Variants in IL1RL2 observed in about 807,000 individuals in gnomAD.
The protein encoded by IL1RL2 is interleukin 1 receptor like 2.
In IL1RL2, 68 loss-of-function variants were observed where a neutral mutation model predicts 66.8. That is an observed-to-expected ratio of 1.02 (90% CI 0.84 to 1.25). IL1RL2 has a LOEUF of 1.25. Ranked by LOEUF, IL1RL2 falls within the 50% of genes most tolerant of loss-of-function variation. IL1RL2 has a pLI of 0.00. For synonymous variants in IL1RL2, 305 were observed against 264.6 expected, an observed-to-expected ratio of 1.15 and a Z score of -1.48; for missense variants, 729 against 709.3, an observed-to-expected ratio of 1.03 and a Z score of -0.32.
intron 5 of IL1RL2, among the ~76,000 whole-genome samples, chr2:102,210,756 T>A (rs1383534632): frequency 1.3e-5 from 2 of 152,020 alleles, no homozygotes; most frequent in African/African-American, 4.8e-5. Flanking sequence ...AGATCATGAG[T>A]TTGGTCATTG....
downstream of IL1RL2, among the ~76,000 whole-genome samples, chr2:102,240,514 G>C (rs185792848): frequency 6.6e-6 from 1 of 151,926 alleles, no homozygotes; most frequent in Non-Finnish European, 1.5e-5. Flanking sequence ...AAGCAACTCA[G>C]TATGCACACA....
At position 102,187,849 on chromosome 2, in the gene IL1RL2, C is replaced by T. The variant is rs747069700; in HGVS notation, c.-12-7C>T. On this transcript the variant is annotated splice_region_variant and splice_polypyrimidine_tract_variant and intron_variant, in intron 1 of 11. Coordinates refer to ENST00000264257, the MANE Select transcript of IL1RL2 (RefSeq NM_003854.4). ...TCCCCTCCCACCCTCTTCTCCCTTC[C>T]TTGCAGCCCGGTTTGGGGATGTGGT... 6.8e-6 allele frequency: 11 copies of T among 1,613,910 alleles called. No homozygotes were observed. The highest frequency in any genetic ancestry group is 3.4e-6 in the Non-Finnish European group (4 of 1,179,884).
In IL1RL2 at chr2:102,226,061, G is replaced by GA; in HGVS notation, c.1135+25dup. The GA allele has an allele frequency of 1.3e-6, 2 of 1,545,554 alleles. No homozygotes were observed. The highest frequency in any genetic ancestry group is 1.7e-6 in the Non-Finnish European group (2 of 1,148,836). On this transcript the variant is annotated intron_variant, in intron 9 of 11. Coordinates refer to ENST00000264257, the MANE Select transcript of IL1RL2 (RefSeq NM_003854.4). ...TAGTAGGTAAGTGTGTGTAATCACT[G>GA]AAAAATGCCTCAAAATTGGTATCCT...
chr2:102,198,008 G>C (rs907702213), intron 4 of IL1RL2, among the ~76,000 whole-genome samples: 1 of 152,142 alleles, frequency 6.6e-6, no homozygotes. Flanking sequence ...CTAGTATCTT[G>C]TCTTGAATCC....
chr2:102,193,098 A>C (rs1687377266), intron 4 of IL1RL2, among the ~76,000 whole-genome samples: 1 of 152,148 alleles, frequency 6.6e-6, no homozygotes, highest in African/African-American at 2.4e-5. Context: ...GATTAGTTTC[A>C]TCAGAGACTT....
intron 4 of IL1RL2, among the ~76,000 whole-genome samples, chr2:102,198,049 T>C (rs1425837200): frequency 2.0e-5 from 3 of 152,224 alleles, no homozygotes; most frequent in Non-Finnish European, 4.4e-5. Flanking sequence ...ATGATTTTTG[T>C]TTGCTAAATC....
At chr2:102,233,329 T>C (rs1320589448) in intron 10 of IL1RL2, among the ~76,000 whole-genome samples, 1 of 152,084 alleles carries the variant, frequency 6.6e-6, no homozygotes, top group African/African-American at 2.4e-5. Flanking sequence ...GGCTCCTCCC[T>C]GCCCCGCAGT....
chr2:102,202,381 G>A (rs928916393), intron 5 of IL1RL2, among the ~76,000 whole-genome samples: 4 of 150,568 alleles, frequency 2.7e-5, no homozygotes. Context: ...CATAATAATA[G>A]GTGTATTATA....
rs1686736045 is a variant in IL1RL2, at chr2:102,187,026, C to T, written c.-73C>T. The T allele has an allele frequency of 7.8e-7, 1 of 1,289,622 alleles. No homozygotes were observed. The highest frequency in any genetic ancestry group is 1.5e-5 in the African/African-American group (1 of 65,852). 79.9% of individuals were successfully genotyped at this position (1,289,622 alleles called of 1,614,324 possible). On this transcript the variant is annotated 5_prime_UTR_variant, in exon 1 of 12. Coordinates refer to ENST00000264257, the MANE Select transcript of IL1RL2 (RefSeq NM_003854.4). ...GGCATGGAAGTGGCATGACAGGGCTCGTGTCCCTGTCATATTTTCCACTCT... is the reference window on the plus strand; with the variant it reads ...GGCATGGAAGTGGCATGACAGGGCTTGTGTCCCTGTCATATTTTCCACTCT...
Position 102,218,290 on chromosome 2 carries a change from T to A in IL1RL2, c.725-663T>A, listed in dbSNP as rs1007593459. On this transcript the variant is annotated intron_variant, in intron 6 of 11. Coordinates refer to ENST00000264257, the MANE Select transcript of IL1RL2 (RefSeq NM_003854.4). ...TGTGTTATATTTCACAATCATTTTT[T>A]AAAAAAATATCATTTAGAATAAAGA... Among the ~76,000 whole-genome samples, 19 of 152,290 alleles carry A rather than the reference T, an allele frequency of 1.2e-4. No individual in the cohort carries two copies. The East Asian group carries it at 2.7e-3, about 22-fold the overall frequency.
chr2:102,219,926 C>T lies in IL1RL2; in HGVS notation c.900C>T (p.Ile300=), dbSNP rs763653214. The part of the protein sequence containing the change: ...FREHNLYTVN[I]TFLEVKMEDY... ...AACATAATTTGTACACAGTAAACAT[C>T]ACCTTCTTGGAAGTGAAAATGGAAG... The change falls in exon 8 of 12, where the codon ATC becomes ATT. Residue 300 remains isoleucine (I), a synonymous_variant. Coordinates refer to ENST00000264257, the MANE Select transcript of IL1RL2 (RefSeq NM_003854.4). 7 of 1,613,626 alleles carry T rather than the reference C, an allele frequency of 4.3e-6. No individual in the cohort carries two copies. The highest frequency in any genetic ancestry group is 3.3e-4 in the Middle Eastern group (2 of 6,058).
At chr2:102,237,941 G>C (rs1440018943) in intron 11 of IL1RL2, among the ~76,000 whole-genome samples, 2 of 152,180 alleles carry the variant, frequency 1.3e-5, no homozygotes, top group African/African-American at 4.8e-5. Flanking sequence ...CCTATCCCTA[G>C]CCCTTGGGGG....
At chr2:102,220,103 C>A (rs1046232055) in intron 8 of IL1RL2, 86 bp downstream of exon 8, 5 of 1,296,432 alleles carry the variant, frequency 3.9e-6, no homozygotes, top group South Asian at 1.7e-5. Flanking sequence ...ACTCTAAATG[C>A]TCAGTGTGAG....
chr2:102,241,411 T>TA (rs1410957435), downstream of IL1RL2, among the ~76,000 whole-genome samples: 1 of 152,184 alleles, frequency 6.6e-6, no homozygotes, highest in African/African-American at 2.4e-5. Context: ...GTATGCTAGC[T>TA]AAATCCCTCT....
Position 102,212,135 on chromosome 2 carries a change from A to G in IL1RL2, c.685A>G (p.Ile229Val), listed in dbSNP as rs1689223615. 6.2e-7 allele frequency: 1 copy of G among 1,613,654 alleles called. No individual in the cohort carries two copies. Among genetic ancestry groups the G allele is most frequent in the African/African-American group, 1.3e-5 (1 of 75,018 alleles). The part of the protein sequence containing the change: ...RAGYGGSVPK[I>V]IYPKNHSIEV... ...TGGATATGGAGGAAGTGTCCCTAAAATCATTTATCCAAAAAATCATTCAAT... is the reference window on the plus strand; with the variant it reads ...TGGATATGGAGGAAGTGTCCCTAAAGTCATTTATCCAAAAAATCATTCAAT... Residue 229 changes from isoleucine to valine, a missense_variant, in exon 6 of 12, where the codon ATC becomes GTC. Physicochemically the swap from Ile to Val is conservative, Grantham distance 29. Coordinates refer to ENST00000264257, the MANE Select transcript of IL1RL2 (RefSeq NM_003854.4).
Position 102,235,264 on chromosome 2 carries a change from C to T in IL1RL2, c.1665C>T (p.Cys555=), listed in dbSNP as rs139406977. The change falls in exon 11 of 12, where the codon TGC becomes TGT. Residue 555 remains cysteine, a synonymous_variant. Coordinates refer to ENST00000264257, the MANE Select transcript of IL1RL2 (RefSeq NM_003854.4). ...TCCAGCTGCTGCAGCACACACCTTG[C>T]TACCGCACCGCAGGTGAGCGGGTGG... ...PPVQLLQHTP[C]YRTAGPELGS... is the part of the protein sequence containing the mutation. The T allele has an allele frequency of 4.7e-4, 762 of 1,613,010 alleles. 1 individual carries two copies. Among genetic ancestry groups the T allele is most frequent in the Admixed American group, 4.8e-4 (29 of 60,006 alleles).
At chr2:102,191,449 T>C (rs1001290206) in intron 3 of IL1RL2, among the ~76,000 whole-genome samples, 5 of 152,242 alleles carry the variant, frequency 3.3e-5, no homozygotes, top group East Asian at 3.8e-4. Flanking sequence ...TCTGGGATCA[T>C]GCATTGCATT....
chr2:102,226,929 A>G (rs1690671367), intron 9 of IL1RL2, among the ~76,000 whole-genome samples: 1 of 152,226 alleles, frequency 6.6e-6, no homozygotes, highest in African/African-American at 2.4e-5. Flanking sequence ...GCTTGTCTGG[A>G]GGTCAAAACA....
chr2:102,215,746 C>T (rs576803920), intron 6 of IL1RL2, among the ~76,000 whole-genome samples: 14 of 152,286 alleles, frequency 9.2e-5, no homozygotes, highest in African/African-American at 2.9e-4. Context: ...CTGAGACACT[C>T]AAAGATACTG....
Sources: gnomAD v4.1 joint callset for allele counts (sites outside exome capture counted in the v4.1 genomes callset) on GRCh38, gnomAD v4.1.1 for gene constraint, MANE v1.5 for transcripts, NCBI Gene and HGNC (gene_info 2026-07-23, HGNC 2026-07-21) for gene names.